Variants in SVIL observed in about 807,000 individuals in gnomAD.
SVIL encodes the protein archvillin.
In SVIL, 101 loss-of-function variants were observed where a neutral mutation model predicts 240.4. The observed-to-expected ratio is 0.42, with a 90% CI of 0.36 to 0.50. SVIL has a LOEUF of 0.50. Ranked by LOEUF, SVIL falls within the 20% of genes least tolerant of loss-of-function variation. The pLI is 0.01. For synonymous variants in SVIL, 999 were observed against 1,100.0 expected (o/e 0.91, Z 1.82); for missense variants, 2,512 against 2,818.7 (o/e 0.89, Z 2.46).
In SVIL at chr10:29,533,002, G is replaced by A. The variant is rs1338227811; in HGVS notation, c.1365C>T (p.Thr455=). The change falls in exon 8 of 38, where the codon ACC becomes ACT. Residue 455 remains threonine (T), a synonymous_variant. Coordinates refer to ENST00000355867, the MANE Select transcript of SVIL (RefSeq NM_021738.3). The stretch of plus-strand genomic sequence containing the variant: ...GCCCATCACCCTCCAAAGCCAGTAG[G>A]GTTTTCTTGCTTTGCTCGAGAGCTT... ...FTEALEQSKK[T]LLALEGDGLV... is the part of the protein sequence containing the mutation. 6.2e-7 allele frequency: 1 copy of A among 1,614,026 alleles called. No homozygotes were observed. The highest frequency in any genetic ancestry group is 1.1e-5 in the South Asian group (1 of 91,078).
intron 1 of SVIL, among the ~76,000 whole-genome samples, chr10:29,603,767 A>T (rs1044471021): frequency 6.6e-6 from 1 of 152,206 alleles, no homozygotes; most frequent in Admixed American, 6.5e-5. Flanking sequence ...AGAGCATTTA[A>T]TGGGCACCTA....
intron 2 of SVIL, among the ~76,000 whole-genome samples, chr10:29,684,744 T>C (rs996929834): frequency 3.3e-5 from 5 of 152,154 alleles, no homozygotes; most frequent in Non-Finnish European, 5.9e-5. Flanking sequence ...GGATTCTCTA[T>C]GGAATGTAAA....
intron 1 of SVIL, among the ~76,000 whole-genome samples, chr10:29,616,622 C>T (rs1024197284): frequency 3.9e-5 from 6 of 152,162 alleles, no homozygotes; most frequent in Non-Finnish European, 8.8e-5. Context: ...TTGAAGGCAA[C>T]GGAGGATCTC....
chr10:29,727,447 T>C (rs956751907), intron 1 of SVIL, among the ~76,000 whole-genome samples: 1 of 151,578 alleles, frequency 6.6e-6, no homozygotes. Context: ...AAAAAAATTA[T>C]AGAGAAATGT....
At chr10:29,682,708 T>C (rs1960759778) in intron 2 of SVIL, among the ~76,000 whole-genome samples, 1 of 152,208 alleles carries the variant, frequency 6.6e-6, no homozygotes, top group South Asian at 2.1e-4. Context: ...ACAAATTCTG[T>C]TACAATTCAG....
chr10:29,678,307 T>G (rs11007694), intron 2 of SVIL, among the ~76,000 whole-genome samples: 50 of 151,504 alleles, frequency 3.3e-4, no homozygotes, highest in African/African-American at 1.1e-3. Flanking sequence ...TGATGAGAGA[T>G]AGTGACAGAT....
chr10:29,689,498 C>A (rs1961339721), intron 1 of SVIL, among the ~76,000 whole-genome samples: 1 of 152,160 alleles, frequency 6.6e-6, no homozygotes, highest in Admixed American at 6.5e-5. Context: ...ATTGGCCAGG[C>A]TGGTCTCGAA....
Position 29,471,261 on chromosome 10 carries a change from G to A in SVIL, c.5530-18C>T, listed in dbSNP as rs182585561. 5.0e-6 allele frequency: 8 copies of A among 1,590,786 alleles called. No homozygotes were observed. In the African/African-American group the frequency reaches 9.4e-5, roughly 19 times the overall value. ...ACCTGGACCTTCCGATTTAAACAGAGGTAAATAGGTAAGGGGCGCGGGGCT... is the reference window on the plus strand; with the variant it reads ...ACCTGGACCTTCCGATTTAAACAGAAGTAAATAGGTAAGGGGCGCGGGGCT... On this transcript the variant is annotated intron_variant, in intron 30 of 37. Transcript: ENST00000355867.
upstream of SVIL, among the ~76,000 whole-genome samples, chr10:29,635,779 G>A (rs1958289079): frequency 6.6e-6 from 1 of 152,166 alleles, no homozygotes; most frequent in Admixed American, 6.5e-5. Flanking sequence ...ACCAAGAACA[G>A]AGAGTCTTAA....
chr10:29,526,951 T>C lies in SVIL; in HGVS notation c.2342+10A>G. On this transcript the variant is annotated intron_variant, in intron 13 of 37. Coordinates refer to ENST00000355867, the MANE Select transcript of SVIL (RefSeq NM_021738.3). ...ACCGGGTGCCGCATGCATCTGTATC[T>C]GTCCAGTACCTGGCAGGCTGCACAG... The C allele has an allele frequency of 6.4e-7, 1 of 1,572,856 alleles. No individual in the cohort carries two copies. Among genetic ancestry groups the C allele is most frequent in the Non-Finnish European group, 8.6e-7 (1 of 1,165,688 alleles).
chr10:29,714,812 T>G (rs1963516851), intron 1 of SVIL, among the ~76,000 whole-genome samples: 1 of 151,806 alleles, frequency 6.6e-6, no homozygotes, highest in Admixed American at 6.6e-5. Context: ...AATTAAAAAT[T>G]AGCTGGGCAT....
intron 1 of SVIL, among the ~76,000 whole-genome samples, chr10:29,701,151 C>A (rs1166739116): frequency 6.6e-6 from 1 of 152,188 alleles, no homozygotes; most frequent in Non-Finnish European, 1.5e-5. Flanking sequence ...ATACCCCACC[C>A]ACCCCTCACT....
intron 6 of SVIL, among the ~76,000 whole-genome samples, chr10:29,539,628 C>A (rs187033847): frequency 6.6e-6 from 1 of 152,118 alleles, no homozygotes; most frequent in Non-Finnish European, 1.5e-5. Flanking sequence ...AATGCAGCCA[C>A]TTCTGAGTTG....
At chr10:29,464,136 C>G (rs1944603523) in intron 34 of SVIL, among the ~76,000 whole-genome samples, 1 of 152,138 alleles carries the variant, frequency 6.6e-6, no homozygotes, top group South Asian at 2.1e-4. Flanking sequence ...GAGAAATGGG[C>G]CTTAAAAAGC....
intron 17 of SVIL, among the ~76,000 whole-genome samples, chr10:29,504,368 T>A (rs1309278194): frequency 1.3e-5 from 2 of 152,102 alleles, no homozygotes; most frequent in African/African-American, 4.8e-5. Flanking sequence ...ATTAAAGACT[T>A]CTGTAAAAGA....
chr10:29,555,979 A>C (rs1031847747), intron 3 of SVIL, among the ~76,000 whole-genome samples: 1 of 152,220 alleles, frequency 6.6e-6, no homozygotes, highest in African/African-American at 2.4e-5. Flanking sequence ...CTTTCACTGG[A>C]AGCAAATGTT....
intron 1 of SVIL, among the ~76,000 whole-genome samples, chr10:29,581,075 G>T (rs1371443277): frequency 6.6e-6 from 1 of 152,174 alleles, no homozygotes. Flanking sequence ...TGATTTTAAT[G>T]AAATCTACTA....
chr10:29,604,575 T>C (rs2505905), intron 1 of SVIL, among the ~76,000 whole-genome samples: 67,586 of 150,900 alleles, frequency 0.45, 16,117 homozygotes, highest in Non-Finnish European at 0.52. Context: ...TACTTACTCA[T>C]TGATGGATTG....
At chr10:29,599,242 C>T (rs1273428269) in intron 1 of SVIL, among the ~76,000 whole-genome samples, 5 of 152,304 alleles carry the variant, frequency 3.3e-5, no homozygotes, top group South Asian at 2.1e-4. Flanking sequence ...CAGCCTGACA[C>T]GCAGGACAAC....
Sources: gnomAD v4.1 joint callset for allele counts (sites outside exome capture counted in the v4.1 genomes callset) on GRCh38, gnomAD v4.1.1 for gene constraint, MANE v1.5 for transcripts, NCBI Gene and HGNC (gene_info 2026-07-23, HGNC 2026-07-21) for gene names.